RPGRIP1L: variants seen among roughly 807,000 people sequenced by gnomAD.
RPGRIP1L encodes the protein RPGRIP1 like.
Under a neutral mutation model 160.4 loss-of-function variants are expected in RPGRIP1L, and 131 were observed. The ratio of observed to expected loss-of-function variants is 0.82; its 90% CI spans 0.71 to 0.94. The LOEUF (loss-of-function observed/expected upper bound fraction) is 0.94, where lower values mean the gene tolerates loss of function less well. Ranked by LOEUF, RPGRIP1L falls within the 40% of genes least tolerant of loss-of-function variation. The pLI is 0.00. For missense variants in RPGRIP1L, 1,522 were observed against 1,535.8 expected (o/e 0.99, Z 0.15); for synonymous variants, 510 against 515.8 (o/e 0.99, Z 0.15).
intron 2 of RPGRIP1L, among the ~76,000 whole-genome samples, chr16:53,699,088 C>A (rs987820034): frequency 6.6e-6 from 1 of 152,084 alleles, no homozygotes; most frequent in Non-Finnish European, 1.5e-5. Flanking sequence ...TGTGACCTTA[C>A]CCCGCAACCC....
rs369055168 is a variant in RPGRIP1L, at chr16:53,686,500, T to A, written c.709A>T (p.Arg237Trp). Residue 237 changes from arginine to tryptophan, a missense_variant, in exon 6 of 27, where the codon AGG (arginine) becomes TGG (tryptophan). Transcript: ENST00000647211. ...HLAEILKTQLRRKENEIELSL... is the reference protein window; with the variant it reads ...HLAEILKTQLWRKENEIELSL... Reference sequence around the variant, plus strand: ...AACTCAATTTCATTTTCTTTTCTCCTCAACTGAGTTTTCAGGATCTCAGCC... The same window carrying A: ...AACTCAATTTCATTTTCTTTTCTCCACAACTGAGTTTTCAGGATCTCAGCC... 75 of 1,613,704 alleles carry A rather than the reference T, an allele frequency of 4.6e-5. No homozygotes were observed. Among genetic ancestry groups the A allele is most frequent in the South Asian group, 1.6e-4 (15 of 91,074 alleles).
intron 9 of RPGRIP1L, 66 bp from the exon 10 acceptor site, chr16:53,665,075 A>C (rs2151199591): frequency 6.3e-7 from 1 of 1,594,038 alleles, no homozygotes; most frequent in Non-Finnish European, 8.6e-7. Context: ...TAATAAAGAG[A>C]AAAGCTTTTA....
intron 22 of RPGRIP1L, among the ~76,000 whole-genome samples, chr16:53,624,644 A>C (rs1433739283): frequency 6.6e-6 from 1 of 152,182 alleles, no homozygotes; most frequent in Admixed American, 6.5e-5. Flanking sequence ...TTTTAATGAA[A>C]TAAGACTATC....
chr16:53,634,540 A>T (rs977612341), intron 22 of RPGRIP1L, among the ~76,000 whole-genome samples: 1 of 152,144 alleles, frequency 6.6e-6, no homozygotes, highest in African/African-American at 2.4e-5. Context: ...GGTGGAGTCT[A>T]TTGGGAGGTG....
At chr16:53,661,490 T>G (rs964186008) in intron 10 of RPGRIP1L, among the ~76,000 whole-genome samples, 1 of 152,072 alleles carries the variant, frequency 6.6e-6, no homozygotes, top group Non-Finnish European at 1.5e-5. Flanking sequence ...AACATCTAGA[T>G]AGAATGGTTA....
intron 26 of RPGRIP1L, among the ~76,000 whole-genome samples, chr16:53,603,177 C>A (rs1963472614): frequency 6.6e-6 from 1 of 152,192 alleles, no homozygotes; most frequent in African/African-American, 2.4e-5. Flanking sequence ...CATGGGCATT[C>A]TCTGAGCTCA....
intron 23 of RPGRIP1L, 21 bp downstream of exon 23, chr16:53,622,197 TG>T (rs1450138312): frequency 6.1e-6 from 4 of 655,000 alleles, no homozygotes; most frequent in Non-Finnish European, 1.1e-5. Flanking sequence ...ACCCCGTCTC[TG>T]CTAAAATTAC....
intron 24 of RPGRIP1L, 58 bp from the exon 25 acceptor site, chr16:53,611,109 A>G (rs1964009153): frequency 1.2e-5 from 14 of 1,133,610 alleles, no homozygotes. Flanking sequence ...AGGCTACATT[A>G]GTACCATTCT....
chr16:53,691,998 T>G, intron 4 of RPGRIP1L, 68 bp downstream of exon 4: 1 of 1,463,844 alleles, frequency 6.8e-7, no homozygotes, highest in Non-Finnish European at 9.6e-7. Flanking sequence ...AAGTAAAACT[T>G]TGTGTTTTTT....
intron 22 of RPGRIP1L, among the ~76,000 whole-genome samples, chr16:53,625,849 C>T (rs941595163): frequency 3.3e-5 from 5 of 152,000 alleles, no homozygotes; most frequent in Admixed American, 1.3e-4. Flanking sequence ...CACCCCCAAC[C>T]CCGTGCTCTC....
At chr16:53,623,551 A>G (rs1041439155) in intron 22 of RPGRIP1L, among the ~76,000 whole-genome samples, 15 of 152,150 alleles carry the variant, frequency 9.9e-5, no homozygotes, top group African/African-American at 3.6e-4. Context: ...GTGCTGTTTT[A>G]TATTGCTCAG....
At chr16:53,648,698 G>A (rs1459536426) in intron 16 of RPGRIP1L, among the ~76,000 whole-genome samples, 1 of 151,302 alleles carries the variant, frequency 6.6e-6, no homozygotes, top group Non-Finnish European at 1.5e-5. Flanking sequence ...AGTAAGGTAT[G>A]TAGCCTAATT....
intron 6 of RPGRIP1L, among the ~76,000 whole-genome samples, chr16:53,678,607 A>T (rs923213548): frequency 6.6e-6 from 1 of 152,178 alleles, no homozygotes; most frequent in Admixed American, 6.5e-5. Context: ...TGAAAGCTAA[A>T]AAAAAGCTTC....
At chr16:53,630,148 G>A (rs1965431955) in intron 22 of RPGRIP1L, among the ~76,000 whole-genome samples, 1 of 152,082 alleles carries the variant, frequency 6.6e-6, no homozygotes, top group South Asian at 2.1e-4. Flanking sequence ...GGGCTCAAGC[G>A]ATCCTCCAAC....
In RPGRIP1L at chr16:53,622,332, C is replaced by A; in HGVS notation, c.3319G>T (p.Gly1107Trp). 1.6e-6 allele frequency: 1 copy of A among 640,642 alleles called. No homozygotes were observed. Among genetic ancestry groups the A allele is most frequent in the Non-Finnish European group, 2.8e-6 (1 of 350,900 alleles). 39.7% of individuals were successfully genotyped at this position (640,642 alleles called of 1,614,324 possible). A position where few individuals can be genotyped will look rare whatever the true frequency, so the allele number is the denominator to read the frequency against. ...KQSLALSPGLGCSSAISAHCN... is the reference protein window; with the variant it reads ...KQSLALSPGLWCSSAISAHCN... ...TGAGCTGAGATCGCGCTACTGCACCCCAGCCCGGGAGACAATGCGAGACTC... is the reference window on the plus strand; with the variant it reads ...TGAGCTGAGATCGCGCTACTGCACCACAGCCCGGGAGACAATGCGAGACTC... Residue 1107 changes from glycine to tryptophan, a missense_variant, in exon 23 of 27, where the codon GGG becomes TGG. Gly to Trp is a radical substitution (Grantham distance 184, BLOSUM62 -2). Transcript: ENST00000647211.
At chr16:53,616,649 A>G (rs1224072685) in intron 24 of RPGRIP1L, among the ~76,000 whole-genome samples, 1 of 152,222 alleles carries the variant, frequency 6.6e-6, no homozygotes, top group Non-Finnish European at 1.5e-5. Context: ...AAACAGTTTT[A>G]CTGAATTCAT....
In RPGRIP1L at chr16:53,633,096, C is replaced by T. The variant is rs140906778; in HGVS notation, c.3294+3343G>A. Among the ~76,000 whole-genome samples the T allele has an allele frequency of 9.8e-5, 15 of 152,298 alleles. No homozygotes were observed. The East Asian group carries it at 2.9e-3, about 29-fold the overall frequency. ...TAGGATGTACTTAGCACATAACAGG[C>T]ATTCAGTAATACATTCCTTCCTATG... On this transcript the variant is annotated intron_variant, in intron 22 of 26. Coordinates refer to ENST00000647211, the MANE Select transcript of RPGRIP1L (RefSeq NM_015272.5).
At chr16:53,649,727 C>A (rs1396915999) in intron 15 of RPGRIP1L, among the ~76,000 whole-genome samples, 1 of 152,198 alleles carries the variant, frequency 6.6e-6, no homozygotes, top group African/African-American at 2.4e-5. Context: ...ATGGGGAAGA[C>A]TTTCTGTGTG....
Position 53,619,216 on chromosome 16 carries a change from A to C in RPGRIP1L, c.3433-8T>G, listed in dbSNP as rs757913656. On this transcript the variant is annotated splice_polypyrimidine_tract_variant and splice_region_variant and intron_variant, in intron 23 of 26. Transcript: ENST00000647211. Reference sequence around the variant, plus strand: ...CCGAATTTTTTCTGATGGCTGTTTAAAGAGCAAAAACAAAAAACAACAAAG... The same window carrying C: ...CCGAATTTTTTCTGATGGCTGTTTACAGAGCAAAAACAAAAAACAACAAAG... The C allele has an allele frequency of 5.0e-6, 8 of 1,611,642 alleles. No individual in the cohort carries two copies. The African/African-American group carries it at 1.1e-4, about 22-fold the overall frequency.
Sources: gnomAD v4.1 joint callset for allele counts (sites outside exome capture counted in the v4.1 genomes callset) on GRCh38, gnomAD v4.1.1 for gene constraint, MANE v1.5 for transcripts, NCBI Gene and HGNC (gene_info 2026-07-23, HGNC 2026-07-21) for gene names.